DLG2: variants seen among roughly 807,000 people sequenced by gnomAD.
DLG2 encodes the protein disks large homolog 2.
DLG2 carries 45 observed loss-of-function variants against 132.5 expected under a neutral mutation model. The ratio of observed to expected loss-of-function variants is 0.34; its 90% CI spans 0.27 to 0.44. DLG2 has a LOEUF of 0.44. DLG2 is among the 20% of genes least tolerant of loss of function. DLG2 has a pLI of 1.00. For missense variants in DLG2, 1,045 were observed against 1,196.9 expected, an observed-to-expected ratio of 0.87 and a Z score of 1.87; for synonymous variants, 424 against 419.6, an observed-to-expected ratio of 1.01 and a Z score of -0.13.
intron 16 of DLG2, among the ~76,000 whole-genome samples, chr11:83,856,891 T>A (rs530284522): frequency 6.6e-6 from 1 of 152,346 alleles, no homozygotes; most frequent in African/African-American, 2.4e-5. Flanking sequence ...CATCATGAAA[T>A]CTTTGCCTGT....
intron 6 of DLG2, among the ~76,000 whole-genome samples, chr11:84,877,411 T>A (rs1042009708): frequency 2.6e-5 from 4 of 152,110 alleles, no homozygotes; most frequent in African/African-American, 9.7e-5. Context: ...GCTCTTCTTG[T>A]TGCATTGATC....
intron 6 of DLG2, among the ~76,000 whole-genome samples, chr11:84,966,149 G>A (rs1007799597): frequency 6.6e-6 from 1 of 151,756 alleles, no homozygotes; most frequent in African/African-American, 2.4e-5. Context: ...ATCATAATTA[G>A]CTTAAAGCTG....
chr11:84,650,869 G>GTATATATATATATATATATATA (rs1183546230), intron 6 of DLG2, among the ~76,000 whole-genome samples: 1 of 121,662 alleles, frequency 8.2e-6, no homozygotes, highest in Non-Finnish European at 1.6e-5. Flanking sequence ...GTGTGTGTGT[G>GTATATATATATATATATATATA]TGTGTATATA....
chr11:84,565,891 A>G (rs970678259), intron 6 of DLG2, among the ~76,000 whole-genome samples: 2 of 151,996 alleles, frequency 1.3e-5, no homozygotes, highest in South Asian at 2.1e-4. Flanking sequence ...TGCAATAAAT[A>G]TATCATTCGA....
intron 7 of DLG2, among the ~76,000 whole-genome samples, chr11:84,391,795 T>TA (rs200512404): frequency 0.065 from 9,162 of 140,928 alleles, 674 homozygotes; most frequent in African/African-American, 0.19. Context: ...CTGTTAATGT[T>TA]AAAAAAAAAA....
chr11:84,387,256 A>G (rs910162606), intron 7 of DLG2, among the ~76,000 whole-genome samples: 2 of 152,080 alleles, frequency 1.3e-5, no homozygotes, highest in Admixed American at 1.3e-4. Flanking sequence ...TCTAAATAAT[A>G]TAATACAGCA....
At chr11:84,095,114 C>T (rs370767159) in intron 10 of DLG2, among the ~76,000 whole-genome samples, 18 of 150,936 alleles carry the variant, frequency 1.2e-4, no homozygotes, top group African/African-American at 3.7e-4. Context: ...GAAGAACACA[C>T]AGGGTGAAAG....
At chr11:83,491,288 G>A in intron 21 of DLG2, among the ~76,000 whole-genome samples, 1 of 151,762 alleles carries the variant, frequency 6.6e-6, no homozygotes, top group Non-Finnish European at 1.5e-5. Context: ...AAATCCCAAC[G>A]ACTATCACTT....
chr11:85,466,071 T>C (rs1338179533), intron 3 of DLG2, among the ~76,000 whole-genome samples: 2 of 152,240 alleles, frequency 1.3e-5, no homozygotes, highest in Non-Finnish European at 1.5e-5. Flanking sequence ...GATGAGCATG[T>C]TTTCATGTGT....
intron 7 of DLG2, among the ~76,000 whole-genome samples, chr11:84,471,135 C>T (rs1191085291): frequency 6.6e-6 from 1 of 151,686 alleles, no homozygotes; most frequent in Non-Finnish European, 1.5e-5. Context: ...ATTCTGGCAA[C>T]CCAGATGGAA....
chr11:84,263,241 T>TGGGAGGCCGAGGCGG (rs1271837308), intron 7 of DLG2, among the ~76,000 whole-genome samples: 1 of 152,156 alleles, frequency 6.6e-6, no homozygotes, highest in African/African-American at 2.4e-5. Context: ...AAAGCAAGGA[T>TGGGAGGCCGAGGCGG]GCTGTATAAC....
At chr11:84,409,423 C>T (rs537052366) in intron 7 of DLG2, among the ~76,000 whole-genome samples, 9 of 152,250 alleles carry the variant, frequency 5.9e-5, no homozygotes, top group African/African-American at 2.2e-4. Flanking sequence ...GTGGTATTGT[C>T]AGCAGGGAAA....
intron 8 of DLG2, among the ~76,000 whole-genome samples, chr11:84,178,004 TAA>T (rs11291777): frequency 4.0e-5 from 6 of 150,250 alleles, no homozygotes; most frequent in East Asian, 2.0e-4. Context: ...AATGATTGAT[TAA>T]AAAAAAAAAC....
chr11:83,561,831 T>A (rs1468495892), intron 19 of DLG2, among the ~76,000 whole-genome samples: 2 of 151,746 alleles, frequency 1.3e-5, no homozygotes. Flanking sequence ...AGGAACATAA[T>A]ATTTTTCTAA....
At chr11:85,218,604 T>C (rs777329429) in intron 4 of DLG2, among the ~76,000 whole-genome samples, 4 of 152,200 alleles carry the variant, frequency 2.6e-5, no homozygotes, top group Non-Finnish European at 5.9e-5. Context: ...GGAACACTTA[T>C]ACACTATTGT....
At chr11:85,117,504 A>C (rs550685359) in intron 5 of DLG2, among the ~76,000 whole-genome samples, 8 of 152,050 alleles carry the variant, frequency 5.3e-5, no homozygotes, top group Non-Finnish European at 1.0e-4. Context: ...CGGAAGGCAA[A>C]AAACACAATT....
intron 3 of DLG2, among the ~76,000 whole-genome samples, chr11:85,406,208 G>A (rs982773355): frequency 4.0e-5 from 6 of 151,492 alleles, no homozygotes; most frequent in Admixed American, 6.6e-5. Context: ...CCAAATATGT[G>A]TGCCTCTGAT....
intron 21 of DLG2, among the ~76,000 whole-genome samples, chr11:83,491,277 C>A (rs1771359139): frequency 3.3e-5 from 5 of 151,576 alleles, no homozygotes; most frequent in Admixed American, 3.3e-4. Flanking sequence ...AGGGAAAAAT[C>A]AAATCCCAAC....
chr11:85,314,415 A>G (rs912863368), intron 3 of DLG2, among the ~76,000 whole-genome samples: 109 of 152,046 alleles, frequency 7.2e-4, no homozygotes, highest in African/African-American at 2.6e-3. Flanking sequence ...AGGATCATAT[A>G]AATATATCTA....
Sources: allele counts gnomAD v4.1 joint callset (sites outside exome capture counted in the v4.1 genomes callset), GRCh38; gene constraint gnomAD v4.1.1; transcripts MANE v1.5; gene names NCBI Gene and HGNC (gene_info 2026-07-23, HGNC 2026-07-21).